Variants in BTBD10 observed in about 807,000 individuals in gnomAD.
BTBD10 encodes BTB/POZ domain-containing protein 10.
A neutral mutation model predicts 53.2 loss-of-function variants in BTBD10; 21 were observed. That is an observed-to-expected ratio of 0.39 (90% CI 0.28 to 0.57). BTBD10 has a LOEUF of 0.57. Ranked by LOEUF, BTBD10 falls within the 20% of genes least tolerant of loss-of-function variation. The pLI is 0.53. For synonymous variants in BTBD10, 149 were observed against 192.7 expected (o/e 0.77, Z 1.88); for missense variants, 360 against 594.7 (o/e 0.61, Z 4.10).
At chr11:13,389,629 C>T (rs544713803) in intron 8 of BTBD10, among the ~76,000 whole-genome samples, 9 of 152,072 alleles carry the variant, frequency 5.9e-5, no homozygotes, top group Non-Finnish European at 1.0e-4. Flanking sequence ...GGTTTCACCA[C>T]GTTGCCCAGG....
chr11:13,458,841 C>G (rs1951027132), intron 1 of BTBD10, among the ~76,000 whole-genome samples: 1 of 152,098 alleles, frequency 6.6e-6, no homozygotes, highest in Non-Finnish European at 1.5e-5. Flanking sequence ...GATCATATCG[C>G]TTGCTTTCTT....
intron 5 of BTBD10, among the ~76,000 whole-genome samples, chr11:13,416,137 A>C (rs983710273): frequency 3.3e-5 from 5 of 151,904 alleles, no homozygotes; most frequent in Non-Finnish European, 5.9e-5. Context: ...GGACTGCTTG[A>C]GCTCAGGAGT....
chr11:13,429,287 A>C (rs1273712663), intron 2 of BTBD10, among the ~76,000 whole-genome samples: 6 of 152,170 alleles, frequency 3.9e-5, no homozygotes, highest in Non-Finnish European at 7.4e-5. Flanking sequence ...CAAGAGTGAC[A>C]AGCTGATTCC....
intron 8 of BTBD10, among the ~76,000 whole-genome samples, chr11:13,397,021 G>T (rs536741241): frequency 2.8e-4 from 43 of 152,272 alleles, no homozygotes; most frequent in Non-Finnish European, 1.5e-4. Flanking sequence ...TTGTGTCTCT[G>T]CCAGGCTTTG....
chr11:13,388,868 C>T lies in BTBD10; in HGVS notation c.1391G>A (p.Ser464Asn). Residue 464 changes from serine to asparagine, a missense_variant, in exon 9 of 9, where the codon AGT becomes AAT. Physicochemically the swap from Ser to Asn is conservative, Grantham distance 46. Coordinates refer to ENST00000278174, the MANE Select transcript of BTBD10 (RefSeq NM_032320.7). ...ATTCTGTGCATCAGGATCGAGGTCA[C>T]TGTTGCCAGAAGGGGGATGGATAGG... is the stretch of plus-strand genomic sequence containing the variant. ...ILPIHPPSGN[S>N]DLDPDAQNPM... The T allele has an allele frequency of 6.2e-7, 1 of 1,614,026 alleles. No homozygotes were observed. The highest frequency in any genetic ancestry group is 1.3e-5 in the African/African-American group (1 of 75,052).
chr11:13,410,455 C>T (rs530330209), intron 6 of BTBD10, among the ~76,000 whole-genome samples: 3 of 152,168 alleles, frequency 2.0e-5, no homozygotes, highest in South Asian at 4.1e-4. Context: ...AGGATGATTT[C>T]GAACCCCTGG....
At chr11:13,397,130 T>A (rs974177322) in intron 8 of BTBD10, among the ~76,000 whole-genome samples, 1 of 152,256 alleles carries the variant, frequency 6.6e-6, no homozygotes, top group African/African-American at 2.4e-5. Context: ...CAGCTCCTCC[T>A]TGTACCTCTG....
At chr11:13,420,375 T>C (rs1950220854) in intron 3 of BTBD10, among the ~76,000 whole-genome samples, 1 of 152,144 alleles carries the variant, frequency 6.6e-6, no homozygotes, top group South Asian at 2.1e-4. Flanking sequence ...GCTTATAATA[T>C]ATTGTTTTCT....
intron 2 of BTBD10, 89 bp from the exon 3 acceptor site, chr11:13,421,927 G>T: frequency 1.0e-6 from 1 of 972,376 alleles, no homozygotes; most frequent in Non-Finnish European, 1.4e-6. Context: ...CAAAAAACTA[G>T]TATCTTGAAG....
At position 13,437,749 on chromosome 11, in the gene BTBD10, A is replaced by G. The variant is rs7937722; in HGVS notation, c.101+7275T>C. 6.3e-3 allele frequency among the ~76,000 whole-genome samples: 956 copies of G among 152,308 alleles called. 14 individuals carry two copies. Among genetic ancestry groups the G allele is most frequent in the African/African-American group, 0.022 (899 of 41,580 alleles). Reference sequence around the variant, plus strand: ...ATCATTTTTAAACTGTTTTTCTTCAAGTCAGTCATAAATGAGTCCTTTCCA... The same window carrying G: ...ATCATTTTTAAACTGTTTTTCTTCAGGTCAGTCATAAATGAGTCCTTTCCA... On this transcript the variant is annotated intron_variant, in intron 2 of 8. Transcript: ENST00000278174.
intron 8 of BTBD10, among the ~76,000 whole-genome samples, chr11:13,400,697 A>C (rs1369222898): frequency 3.2e-4 from 3 of 9,342 alleles, no homozygotes; most frequent in East Asian, 2.2e-3. Flanking sequence ...TCCACCCCCC[A>C]GAGGTAGTTC....
At chr11:13,396,348 A>G (rs973128391) in intron 8 of BTBD10, among the ~76,000 whole-genome samples, 4 of 152,030 alleles carry the variant, frequency 2.6e-5, no homozygotes, top group East Asian at 1.9e-4. Context: ...TTTGTCTGTT[A>G]TTGGTGTATA....
At chr11:13,446,583 T>A (rs901778782) in intron 1 of BTBD10, among the ~76,000 whole-genome samples, 1 of 152,146 alleles carries the variant, frequency 6.6e-6, no homozygotes, top group Non-Finnish European at 1.5e-5. Flanking sequence ...AAGGAAGAAC[T>A]GCTGATTCAA....
At chr11:13,425,153 T>C (rs1225697444) in intron 2 of BTBD10, among the ~76,000 whole-genome samples, 1 of 152,174 alleles carries the variant, frequency 6.6e-6, no homozygotes, top group East Asian at 1.9e-4. Context: ...CCAGCACTCA[T>C]ACAGGGTCAG....
chr11:13,413,756 C>G (rs543681962), intron 5 of BTBD10, 106 bp from the exon 6 acceptor site: 158 of 1,046,708 alleles, frequency 1.5e-4, no homozygotes, highest in African/African-American at 7.1e-4. Context: ...GTAGAGAACT[C>G]TGACATCTCT....
At chr11:13,458,336 T>C (rs945721881) in intron 1 of BTBD10, among the ~76,000 whole-genome samples, 4 of 152,128 alleles carry the variant, frequency 2.6e-5, no homozygotes, top group African/African-American at 4.8e-5. Context: ...CACACCAGTA[T>C]TATGTATATA....
chr11:13,397,008 T>G (rs1263199272), intron 8 of BTBD10, among the ~76,000 whole-genome samples: 7 of 152,204 alleles, frequency 4.6e-5, no homozygotes, highest in Admixed American at 4.6e-4. Context: ...TTCTCTTTTC[T>G]GGTTGTGTCT....
chr11:13,440,695 C>A (rs1343320235), intron 2 of BTBD10, among the ~76,000 whole-genome samples: 3 of 152,148 alleles, frequency 2.0e-5, no homozygotes, highest in Non-Finnish European at 4.4e-5. Context: ...ATGCGTACTT[C>A]CATGTGGGAA....
At chr11:13,453,647 G>T (rs1468024534) in intron 1 of BTBD10, among the ~76,000 whole-genome samples, 1 of 152,182 alleles carries the variant, frequency 6.6e-6, no homozygotes, top group Non-Finnish European at 1.5e-5. Context: ...TCTGCCACAT[G>T]TACCCCATTA....
Sources: allele counts gnomAD v4.1 joint callset (sites outside exome capture counted in the v4.1 genomes callset), GRCh38; gene constraint gnomAD v4.1.1; transcripts MANE v1.5; gene names NCBI Gene and HGNC (gene_info 2026-07-23, HGNC 2026-07-21).